The following ST6GALNAC3 variants were observed in gnomAD, a reference collection of about 807,000 sequenced individuals.
ST6GALNAC3 encodes alpha-N-acetylgalactosaminide alpha-2,6-sialyltransferase 3.
In ST6GALNAC3, 25 loss-of-function variants were observed where a neutral mutation model predicts 32.7. The observed-to-expected ratio is 0.76, with a 90% CI of 0.56 to 1.07. ST6GALNAC3 has a LOEUF of 1.07. Ranked by LOEUF, ST6GALNAC3 falls within the 50% of genes least tolerant of loss-of-function variation. ST6GALNAC3 has a pLI of 0.00. For missense variants in ST6GALNAC3, 355 were observed against 382.4 expected (o/e 0.93, Z 0.60); for synonymous variants, 129 against 133.1 (o/e 0.97, Z 0.21).
At chr1:76,205,400 C>T (rs938126798) in intron 1 of ST6GALNAC3, among the ~76,000 whole-genome samples, 1 of 152,016 alleles carries the variant, frequency 6.6e-6, no homozygotes, top group Admixed American at 6.5e-5. Flanking sequence ...TCCCTGCTTG[C>T]TTAGGGTTCC....
chr1:76,473,548 A>G (rs1473815609), intron 3 of ST6GALNAC3, among the ~76,000 whole-genome samples: 1 of 152,184 alleles, frequency 6.6e-6, no homozygotes, highest in Non-Finnish European at 1.5e-5. Context: ...TGCTATTGGG[A>G]TGGTAGACTT....
At chr1:76,488,233 C>T (rs1037812126) in intron 3 of ST6GALNAC3, among the ~76,000 whole-genome samples, 1 of 152,162 alleles carries the variant, frequency 6.6e-6, no homozygotes, top group Non-Finnish European at 1.5e-5. Context: ...TTGCCAAGTT[C>T]ACATGAGATC....
chr1:76,242,338 G>T (rs560597312), intron 1 of ST6GALNAC3, among the ~76,000 whole-genome samples: 9 of 152,252 alleles, frequency 5.9e-5, no homozygotes, highest in African/African-American at 2.2e-4. Context: ...AGCTAGAGTT[G>T]GGGGGAAGAT....
intron 2 of ST6GALNAC3, among the ~76,000 whole-genome samples, chr1:76,359,122 G>A (rs924154164): frequency 6.6e-6 from 1 of 152,142 alleles, no homozygotes; most frequent in African/African-American, 2.4e-5. Context: ...AGAATATGAA[G>A]CACTTAGTAA....
At chr1:76,562,932 T>C (rs1191891400) in intron 3 of ST6GALNAC3, among the ~76,000 whole-genome samples, 1 of 152,142 alleles carries the variant, frequency 6.6e-6, no homozygotes, top group East Asian at 1.9e-4. Context: ...TTAATACATT[T>C]TGGTTGCACA....
chr1:76,154,061 TC>T (rs1651228571), intron 1 of ST6GALNAC3, among the ~76,000 whole-genome samples: 1 of 152,080 alleles, frequency 6.6e-6, no homozygotes, highest in African/African-American at 2.4e-5. Flanking sequence ...CAAACACTGA[TC>T]AGGAGAGACA....
At chr1:76,171,985 T>G (rs1479884531) in intron 1 of ST6GALNAC3, among the ~76,000 whole-genome samples, 3 of 152,148 alleles carry the variant, frequency 2.0e-5, no homozygotes, top group African/African-American at 7.2e-5. Context: ...ACTCATTTTA[T>G]GAAGCCAGTG....
chr1:76,622,442 A>G (rs1435657711), intron 3 of ST6GALNAC3, among the ~76,000 whole-genome samples: 5 of 151,950 alleles, frequency 3.3e-5, no homozygotes, highest in Admixed American at 6.6e-5. Flanking sequence ...GTGAATGAGC[A>G]GAGTAGGAAC....
chr1:76,237,380 C>T (rs536042226), intron 1 of ST6GALNAC3, among the ~76,000 whole-genome samples: 48 of 152,256 alleles, frequency 3.2e-4, no homozygotes, highest in East Asian at 1.4e-3. Flanking sequence ...GTGATTCACC[C>T]GCCTTGGCCT....
intron 1 of ST6GALNAC3, among the ~76,000 whole-genome samples, chr1:76,249,725 A>T (rs1252915748): frequency 6.6e-6 from 1 of 152,196 alleles, no homozygotes. Context: ...ATCCTACCAG[A>T]AATGTATGAG....
chr1:76,317,205 C>G (rs1057376136), intron 2 of ST6GALNAC3, among the ~76,000 whole-genome samples: 7 of 152,070 alleles, frequency 4.6e-5, no homozygotes, highest in African/African-American at 1.7e-4. Context: ...TGATTTCATC[C>G]TTTGTTCTGA....
At chr1:76,491,402 T>C (rs1660491262) in intron 3 of ST6GALNAC3, among the ~76,000 whole-genome samples, 1 of 152,144 alleles carries the variant, frequency 6.6e-6, no homozygotes, top group African/African-American at 2.4e-5. Context: ...CACAGTTCTC[T>C]TGATACAGAT....
intron 1 of ST6GALNAC3, among the ~76,000 whole-genome samples, chr1:76,166,028 T>C (rs1326947989): frequency 2.0e-5 from 3 of 152,240 alleles, no homozygotes; most frequent in Non-Finnish European, 4.4e-5. Context: ...AGATCCTGTT[T>C]GTAAACTTTT....
chr1:76,361,480 T>C (rs1016498895), intron 2 of ST6GALNAC3, among the ~76,000 whole-genome samples: 1 of 152,244 alleles, frequency 6.6e-6, no homozygotes, highest in African/African-American at 2.4e-5. Context: ...CATCTGTCTA[T>C]AAACATGTGG....
At chr1:76,261,729 C>A (rs919774195) in intron 1 of ST6GALNAC3, among the ~76,000 whole-genome samples, 2 of 152,188 alleles carry the variant, frequency 1.3e-5, no homozygotes, top group African/African-American at 4.8e-5. Context: ...GCAGAAACAT[C>A]CTCTCACTGG....
At chr1:76,128,168 T>C (rs888218711) in intron 1 of ST6GALNAC3, among the ~76,000 whole-genome samples, 1 of 152,104 alleles carries the variant, frequency 6.6e-6, no homozygotes, top group Non-Finnish European at 1.5e-5. Flanking sequence ...CAAGGAGACC[T>C]CAGCATACAA....
intron 3 of ST6GALNAC3, among the ~76,000 whole-genome samples, chr1:76,511,419 T>C (rs1160663106): frequency 6.6e-6 from 1 of 152,102 alleles, no homozygotes; most frequent in Non-Finnish European, 1.5e-5. Flanking sequence ...CCTCCACCTT[T>C]TACCTTCCCC....
At chr1:76,550,875 C>T (rs1010823567) in intron 3 of ST6GALNAC3, among the ~76,000 whole-genome samples, 1 of 152,110 alleles carries the variant, frequency 6.6e-6, no homozygotes, top group Non-Finnish European at 1.5e-5. Context: ...CCTGTCACAG[C>T]CTCCCGAGTA....
intron 3 of ST6GALNAC3, among the ~76,000 whole-genome samples, chr1:76,471,140 T>C (rs898331181): frequency 1.3e-5 from 2 of 152,114 alleles, no homozygotes; most frequent in Non-Finnish European, 2.9e-5. Context: ...TACCTCTCAA[T>C]CCTGGCAAAA....
Sources: allele counts gnomAD v4.1 joint callset (sites outside exome capture counted in the v4.1 genomes callset), GRCh38; gene constraint gnomAD v4.1.1; transcripts MANE v1.5; gene names NCBI Gene and HGNC (gene_info 2026-07-23, HGNC 2026-07-21).